SIN3B: variants seen among roughly 807,000 people sequenced by gnomAD.
SIN3B encodes SIN3 transcription regulator family member B.
A neutral mutation model predicts 120.2 loss-of-function variants in SIN3B; 19 were observed. The observed-to-expected ratio is 0.16, with a 90% CI of 0.11 to 0.23. SIN3B has a LOEUF of 0.23. SIN3B is among the 10% of genes least tolerant of loss of function. SIN3B has a pLI of 1.00. For missense variants in SIN3B, 1,073 were observed against 1,573.0 expected, an observed-to-expected ratio of 0.68 and a Z score of 5.38; for synonymous variants, 654 against 653.2, an observed-to-expected ratio of 1.00 and a Z score of -0.02.
At position 16,829,781 on chromosome 19, in the gene SIN3B, C is replaced by A. The variant is rs372993107; in HGVS notation, c.121-10C>A. 2 of 1,608,318 alleles carry A rather than the reference C, an allele frequency of 1.2e-6. No individual in the cohort carries two copies. Among genetic ancestry groups the A allele is most frequent in the Non-Finnish European group, 1.7e-6 (2 of 1,175,016 alleles). On this transcript the variant is annotated splice_polypyrimidine_tract_variant and intron_variant, in intron 1 of 18. Transcript: ENST00000248054. ...GCCAGGGCCCACCGGGACCCTCCCC[C>A]TCTCTGCAGGTAGAAGACGCCCTCA...
In SIN3B at chr19:16,847,154, C is replaced by T. The variant is rs143674853; in HGVS notation, c.726+41C>T. Reference sequence around the variant, plus strand: ...CCCTGCCCAGCCTCGGGGGCCTCAGCGAGGACGGAGGGCCCCAGCCAGCTT... The same window carrying T: ...CCCTGCCCAGCCTCGGGGGCCTCAGTGAGGACGGAGGGCCCCAGCCAGCTT... On this transcript the variant is annotated intron_variant, in intron 5 of 18. Transcript: ENST00000248054. 678 of 1,586,272 alleles carry T rather than the reference C, an allele frequency of 4.3e-4. 2 individuals carry two copies. The African/African-American group carries it at 7.3e-3, about 17-fold the overall frequency.
In SIN3B at chr19:16,866,360, C is replaced by A; in HGVS notation, c.1623-13C>A. ...TGGCTTGTCCCTGGTGCTGACCTCT[C>A]TTCCCCCCGCAGACTGAAGGCCAAG... On this transcript the variant is annotated splice_polypyrimidine_tract_variant and intron_variant, in intron 11 of 18. Coordinates refer to ENST00000248054, the MANE Select transcript of SIN3B (RefSeq NM_001297595.2). 1 of 1,606,434 alleles carries A rather than the reference C, an allele frequency of 6.2e-7. No individual in the cohort carries two copies. Among genetic ancestry groups the A allele is most frequent in the Non-Finnish European group, 8.5e-7 (1 of 1,175,884 alleles).
At chr19:16,860,430 G>T (rs545660169) in intron 8 of SIN3B, among the ~76,000 whole-genome samples, 3 of 151,990 alleles carry the variant, frequency 2.0e-5, no homozygotes, top group African/African-American at 7.3e-5. Flanking sequence ...TCCTTCCTAC[G>T]TTTCCATCGG....
At chr19:16,874,494 GT>G (rs1487969206) in intron 14 of SIN3B, among the ~76,000 whole-genome samples, 2 of 151,182 alleles carry the variant, frequency 1.3e-5, no homozygotes, top group Non-Finnish European at 2.9e-5. Context: ...GTGTGGTTTG[GT>G]TTTGATTTGG....
At chr19:16,837,155 T>G (rs1599589067) in intron 3 of SIN3B, among the ~76,000 whole-genome samples, 2 of 147,880 alleles carry the variant, frequency 1.4e-5, no homozygotes, top group Admixed American at 6.8e-5. Context: ...GAGGTGAGAG[T>G]GAGTGGGTGT....
rs766795332 is a variant in SIN3B, at chr19:16,869,924, G to A, written c.2271G>A (p.Gln757=). The change falls in exon 13 of 19, where the codon CAG becomes CAA. Residue 757 remains glutamine (Q), a synonymous_variant. Transcript: ENST00000248054. ...GGTACTTCTTCCTGCGCCTGCACCA[G>A]ACCCTGTGCTCCAGGCTGCTGAAGA... ...NNWYFFLRLH[Q]TLCSRLLKIY... is the part of the protein sequence containing the mutation. 6.2e-7 allele frequency: 1 copy of A among 1,614,238 alleles called. No homozygotes were observed. Among genetic ancestry groups the A allele is most frequent in the Non-Finnish European group, 8.5e-7 (1 of 1,180,042 alleles).
At chr19:16,865,340 G>T in intron 10 of SIN3B, 70 bp from the exon 11 acceptor site, 2 of 1,017,582 alleles carry the variant, frequency 2.0e-6, no homozygotes, top group East Asian at 2.5e-5. Context: ...GGTCTCTGAG[G>T]TCCCAGGCTC....
chr19:16,859,564 G>GT (rs1971659684), intron 8 of SIN3B, among the ~76,000 whole-genome samples: 1 of 152,178 alleles, frequency 6.6e-6, no homozygotes. Context: ...AGGCATGCAC[G>GT]TGTTGGGGTG....
At chr19:16,842,317 G>T (rs1971428292) in intron 4 of SIN3B, among the ~76,000 whole-genome samples, 1 of 151,902 alleles carries the variant, frequency 6.6e-6, no homozygotes, top group African/African-American at 2.4e-5. Flanking sequence ...TGCTCAGGCT[G>T]GTCTTGAACT....
rs771722027 is a variant in SIN3B, at chr19:16,851,499, C to T, written c.814C>T (p.Pro272Ser). ...TPEHSRKRSR[P>S]SLLRPVSAPA... ...GGAGCACAGCAGGAAGCGCTCCCGG[C>T]CCTCGCTCCTCCGCCCCGTGTCTGC... is the stretch of plus-strand genomic sequence containing the variant. Residue 272 changes from proline (P) to serine (S), a missense_variant, in exon 6 of 19, where the codon CCC becomes TCC. Physicochemically the swap from Pro to Ser is moderately conservative, Grantham distance 74. Coordinates refer to ENST00000248054, the MANE Select transcript of SIN3B (RefSeq NM_001297595.2). 8.6e-5 allele frequency: 139 copies of T among 1,608,610 alleles called. 2 individuals are homozygous for T. In the East Asian group the frequency reaches 3.1e-3, roughly 36 times the overall value.
At chr19:16,830,588 G>A (rs1321692869) in intron 2 of SIN3B, among the ~76,000 whole-genome samples, 1 of 152,162 alleles carries the variant, frequency 6.6e-6, no homozygotes, top group African/African-American at 2.4e-5. Flanking sequence ...TCAGATTCTT[G>A]GAAGTCACAT....
intron 8 of SIN3B, among the ~76,000 whole-genome samples, chr19:16,857,551 G>GTATATATA (rs992393382): frequency 1.4e-5 from 2 of 142,210 alleles, no homozygotes; most frequent in African/African-American, 5.6e-5. Context: ...GTGTGTGTGT[G>GTATATATA]TGTATATATA....
intron 5 of SIN3B, among the ~76,000 whole-genome samples, chr19:16,849,543 G>A (rs1281411931): frequency 6.6e-6 from 1 of 152,150 alleles, no homozygotes. Context: ...AGAACAACAG[G>A]CCCTGTGTTA....
Position 16,880,271 on chromosome 19 carries a change from GTCCT to G in SIN3B, c.*1550_*1553del, listed in dbSNP as rs1487910974. On this transcript the variant is annotated 3_prime_UTR_variant, in exon 19 of 19. Transcript: ENST00000248054. ...TTGAGGAATTTCTGTTCTGGGGCTT[GTCCT>G]TCCTTTGCAGCTGTTTTGAATGTAG... 1 of 152,262 alleles carries G rather than the reference GTCCT, an allele frequency of 6.6e-6. No homozygotes were observed. The highest frequency in any genetic ancestry group is 1.5e-5 in the Non-Finnish European group (1 of 68,066). The allele number at this position is 152,262 out of a possible 1,614,324, so 9.4% of individuals were successfully genotyped here. A position where few individuals can be genotyped will look rare whatever the true frequency, so the allele number is the denominator to read the frequency against.
chr19:16,860,795 C>T (rs537899661), intron 8 of SIN3B, among the ~76,000 whole-genome samples: 109 of 151,794 alleles, frequency 7.2e-4, no homozygotes, highest in Non-Finnish European at 1.3e-3. Flanking sequence ...TTAGTAGAGA[C>T]GGGGTTTCAC....
intron 12 of SIN3B, among the ~76,000 whole-genome samples, chr19:16,867,568 C>T (rs60093801): frequency 0.079 from 12,060 of 152,196 alleles, 924 homozygotes; most frequent in African/African-American, 0.2. Flanking sequence ...CACACTACTC[C>T]CCAGGCAGTG....
At chr19:16,836,895 A>G (rs371125017) in intron 3 of SIN3B, among the ~76,000 whole-genome samples, 5 of 152,274 alleles carry the variant, frequency 3.3e-5, no homozygotes, top group African/African-American at 9.6e-5. Context: ...TTGTGTTTGT[A>G]TCTTCTTGGC....
intron 3 of SIN3B, among the ~76,000 whole-genome samples, chr19:16,839,561 T>C (rs962196613): frequency 2.6e-5 from 4 of 152,104 alleles, no homozygotes; most frequent in African/African-American, 9.7e-5. Context: ...AGCCTACAGC[T>C]GCCTCTGAAA....
chr19:16,866,013 T>C (rs1038881237), intron 11 of SIN3B, among the ~76,000 whole-genome samples: 1 of 152,216 alleles, frequency 6.6e-6, no homozygotes, highest in Non-Finnish European at 1.5e-5. Flanking sequence ...AAGTGGTCAC[T>C]TTCAGGCAGG....
Sources: allele counts gnomAD v4.1 joint callset (sites outside exome capture counted in the v4.1 genomes callset), GRCh38; gene constraint gnomAD v4.1.1; transcripts MANE v1.5; gene names NCBI Gene and HGNC (gene_info 2026-07-23, HGNC 2026-07-21).